CHSY3: variants seen among roughly 807,000 people sequenced by gnomAD.
The protein encoded by CHSY3 is N-acetylgalactosaminyl-proteoglycan 3-beta-glucuronosyltransferase 3.
CHSY3 carries 35 observed loss-of-function variants against 67.2 expected under a neutral mutation model. That is an observed-to-expected ratio of 0.52 (90% confidence interval 0.40 to 0.69). CHSY3 has a LOEUF of 0.69. Among genes scored for constraint, CHSY3 ranks in the 30% least tolerant of loss-of-function variants. CHSY3 has a pLI of 0.00. For missense variants in CHSY3, 1,069 were observed against 1,138.5 expected (o/e 0.94, Z 0.88); for synonymous variants, 474 against 434.7 (o/e 1.09, Z -1.12).
At chr5:129,929,258 GT>G (rs1761219638) in intron 2 of CHSY3, among the ~76,000 whole-genome samples, 1 of 152,210 alleles carries the variant, frequency 6.6e-6, no homozygotes, top group Middle Eastern at 3.2e-3. Context: ...TCTGTGAGGA[GT>G]GAAAGAGATC....
At chr5:130,171,166 T>C (rs1209861341) in intron 2 of CHSY3, among the ~76,000 whole-genome samples, 1 of 152,166 alleles carries the variant, frequency 6.6e-6, no homozygotes, top group African/African-American at 2.4e-5. Flanking sequence ...TTTTAAAAAG[T>C]ATACAGAGGA....
chr5:129,905,193 A>G lies in CHSY3; in HGVS notation c.364A>G (p.Thr122Ala). The change falls in exon 1 of 3, where the codon ACG becomes GCG. Residue 122 changes from threonine (T) to alanine (A), a missense_variant. Coordinates refer to ENST00000305031, the MANE Select transcript of CHSY3 (RefSeq NM_175856.5). ...RRRGREPEGATGLPGAPAAEG... is the reference protein window; with the variant it reads ...RRRGREPEGAAGLPGAPAAEG... The stretch of plus-strand genomic sequence containing the variant: ...GCGAGGACGCGAGCCTGAGGGCGCG[A>G]CGGGGCTTCCCGGTGCTCCAGCGGC... 1 of 1,519,280 alleles carries G rather than the reference A, an allele frequency of 6.6e-7. No individual in the cohort carries two copies. The highest frequency in any genetic ancestry group is 8.8e-7 in the Non-Finnish European group (1 of 1,140,152). The allele number at this position is 1,519,280 out of a possible 1,614,324, so 94.1% of individuals were successfully genotyped here.
At chr5:129,928,277 T>G (rs1261011558) in intron 2 of CHSY3, among the ~76,000 whole-genome samples, 1 of 147,550 alleles carries the variant, frequency 6.8e-6, no homozygotes, top group African/African-American at 2.5e-5. Context: ...TTAGTTCATA[T>G]TTGTCATTTT....
intron 2 of CHSY3, among the ~76,000 whole-genome samples, chr5:129,969,126 A>G (rs1307074558): frequency 6.6e-6 from 1 of 151,870 alleles, no homozygotes; most frequent in Non-Finnish European, 1.5e-5. Context: ...TCTGTGGGTC[A>G]ATGGAAGTAA....
chr5:130,099,002 G>T (rs1767141097), intron 2 of CHSY3, among the ~76,000 whole-genome samples: 1 of 152,106 alleles, frequency 6.6e-6, no homozygotes, highest in African/African-American at 2.4e-5. Context: ...CACCTGGACA[G>T]ATTTAAATTC....
chr5:130,056,893 A>G (rs1765546766), intron 2 of CHSY3, among the ~76,000 whole-genome samples: 2 of 140,448 alleles, frequency 1.4e-5, no homozygotes, highest in East Asian at 2.1e-4. Flanking sequence ...AACAATATGT[A>G]TATGTTTATT....
upstream of CHSY3, among the ~76,000 whole-genome samples, chr5:129,904,317 C>T (rs1760138727): frequency 6.6e-6 from 1 of 152,076 alleles, no homozygotes; most frequent in Non-Finnish European, 1.5e-5. Context: ...CGGGGAAATA[C>T]CGCGGCCCGC....
intron 2 of CHSY3, among the ~76,000 whole-genome samples, chr5:129,996,010 A>G (rs902873269): frequency 6.6e-6 from 1 of 152,046 alleles, no homozygotes; most frequent in East Asian, 1.9e-4. Context: ...AGGGCTTAGA[A>G]CCAAAAAGAT....
intron 2 of CHSY3, among the ~76,000 whole-genome samples, chr5:130,116,602 G>A (rs1336053185): frequency 6.6e-6 from 1 of 152,136 alleles, no homozygotes; most frequent in Non-Finnish European, 1.5e-5. Context: ...CCACCGTCGT[G>A]GGTGCCAAGT....
chr5:130,090,570 C>G (rs1356439144), intron 2 of CHSY3, among the ~76,000 whole-genome samples: 2 of 152,146 alleles, frequency 1.3e-5, no homozygotes, highest in Admixed American at 1.3e-4. Flanking sequence ...CAGGTGGGCT[C>G]CTGATAATTT....
chr5:129,989,524 C>A (rs1763300157), intron 2 of CHSY3, among the ~76,000 whole-genome samples: 1 of 152,158 alleles, frequency 6.6e-6, no homozygotes, highest in Non-Finnish European at 1.5e-5. Context: ...CAGGCCTTAA[C>A]ACCTCCCATT....
intron 2 of CHSY3, among the ~76,000 whole-genome samples, chr5:130,054,094 A>G (rs908148201): frequency 2.6e-5 from 4 of 152,104 alleles, no homozygotes; most frequent in African/African-American, 2.4e-5. Context: ...TCAGTCCTTC[A>G]TATCCTTTGG....
intron 2 of CHSY3, among the ~76,000 whole-genome samples, chr5:129,933,124 A>T (rs939223200): frequency 5.9e-5 from 9 of 152,168 alleles, no homozygotes; most frequent in African/African-American, 2.2e-4. Context: ...GTCTCATGAT[A>T]ACCTCCTCCA....
chr5:129,912,302 G>C (rs989874066), intron 2 of CHSY3, among the ~76,000 whole-genome samples: 1 of 152,112 alleles, frequency 6.6e-6, no homozygotes, highest in Non-Finnish European at 1.5e-5. Flanking sequence ...TTAATTGCCA[G>C]AACAATGGCC....
At chr5:130,127,643 G>C (rs1386665287) in intron 2 of CHSY3, among the ~76,000 whole-genome samples, 1 of 152,088 alleles carries the variant, frequency 6.6e-6, no homozygotes, top group Non-Finnish European at 1.5e-5. Context: ...TCATAAATTA[G>C]GAAAACTAAA....
intron 2 of CHSY3, among the ~76,000 whole-genome samples, chr5:129,908,860 C>A (rs929793877): frequency 1.3e-5 from 2 of 151,870 alleles, no homozygotes; most frequent in Non-Finnish European, 2.9e-5. Context: ...TTAAAAGTAT[C>A]AGAAAAGTAA....
At chr5:130,038,755 T>G (rs528731279) in intron 2 of CHSY3, among the ~76,000 whole-genome samples, 6 of 152,202 alleles carry the variant, frequency 3.9e-5, no homozygotes, top group African/African-American at 1.4e-4. Flanking sequence ...TAGGGAATGG[T>G]TTATCTGCAC....
chr5:129,992,919 C>T (rs1343262571), intron 2 of CHSY3, among the ~76,000 whole-genome samples: 2 of 152,080 alleles, frequency 1.3e-5, no homozygotes, highest in Non-Finnish European at 2.9e-5. Flanking sequence ...CTATTATTAT[C>T]GTTGTAATTG....
intron 2 of CHSY3, among the ~76,000 whole-genome samples, chr5:130,007,135 A>T (rs944539161): frequency 6.6e-6 from 1 of 152,232 alleles, no homozygotes; most frequent in African/African-American, 2.4e-5. Context: ...CCATGTTGTT[A>T]TGTGTTGGTT....
Sources: allele counts gnomAD v4.1 joint callset (sites outside exome capture counted in the v4.1 genomes callset), GRCh38; gene constraint gnomAD v4.1.1; transcripts MANE v1.5; gene names NCBI Gene and HGNC (gene_info 2026-07-23, HGNC 2026-07-21).